Variants in HERC3 observed in about 807,000 individuals in gnomAD.
The protein encoded by HERC3 is HECT and RLD domain containing E3 ubiquitin protein ligase 3, also known as probable E3 ubiquitin-protein ligase HERC3.
A neutral mutation model predicts 129.9 loss-of-function variants in HERC3; 58 were observed. The observed-to-expected ratio is 0.45, with a 90% confidence interval of 0.36 to 0.56. HERC3 has a LOEUF of 0.56. Among genes scored for constraint, HERC3 ranks in the 20% least tolerant of loss-of-function variants. The pLI, the probability that HERC3 is intolerant of heterozygous loss-of-function variation, is 0.00. For missense variants in HERC3, 835 were observed against 1,244.2 expected, an observed-to-expected ratio of 0.67 and a Z score of 4.95; for synonymous variants, 430 against 451.0, an observed-to-expected ratio of 0.95 and a Z score of 0.59.
chr4:88,556,830 T>G, the HERC3 span, among the ~76,000 whole-genome samples: 1 of 151,792 alleles, frequency 6.6e-6, no homozygotes, highest in East Asian at 1.9e-4. Context: ...TTTTAAATAG[T>G]GTCAAAGTCT....
intron 10 of HERC3, among the ~76,000 whole-genome samples, chr4:88,660,375 T>C (rs909574582): frequency 6.6e-6 from 1 of 152,098 alleles, no homozygotes; most frequent in Admixed American, 6.5e-5. Flanking sequence ...GTAATTTTTT[T>C]TGTATTTTTA....
chr4:88,642,299 G>A lies in HERC3; in HGVS notation c.227-7541G>A, dbSNP rs567479232. Reference sequence around the variant, plus strand: ...CTAAAGAAGAAACTCACATGGTTATGTCAGTTGATACAGAAAACAGAATTT... The same window carrying A: ...CTAAAGAAGAAACTCACATGGTTATATCAGTTGATACAGAAAACAGAATTT... On this transcript the variant is annotated intron_variant, in intron 3 of 25. Coordinates refer to ENST00000402738, the MANE Select transcript of HERC3 (RefSeq NM_014606.3). Among the ~76,000 whole-genome samples the A allele has an allele frequency of 4.3e-3, 651 of 152,266 alleles. 3 individuals are homozygous for A. The highest frequency in any genetic ancestry group is 7.4e-3 in the Non-Finnish European group (504 of 68,010).
chr4:88,671,078 C>T lies in HERC3; in HGVS notation c.1911+826C>T, dbSNP rs536651373. Among the ~76,000 whole-genome samples, 15 of 152,168 alleles carry T rather than the reference C, an allele frequency of 9.9e-5. No homozygotes were observed. In the South Asian group the frequency reaches 3.1e-3, roughly 32 times the overall value. ...TATTTTAGATATGCCATTCAGGGGC[C>T]TGTGGATTCCTGCCTACCACCTCTG... On this transcript the variant is annotated intron_variant, in intron 16 of 25. Coordinates refer to ENST00000402738, the MANE Select transcript of HERC3 (RefSeq NM_014606.3).
At chr4:88,656,082 A>G (rs763143167) in intron 9 of HERC3, 47 bp downstream of exon 9, 1 of 1,583,356 alleles carries the variant, frequency 6.3e-7, no homozygotes, top group Non-Finnish European at 8.7e-7. Flanking sequence ...AAGTGATGAA[A>G]ACAGTTGTTT....
In HERC3 at chr4:88,662,509, G is replaced by A. The variant is rs77220651; in HGVS notation, c.1225G>A (p.Val409Ile). Reference sequence around the variant, plus strand: ...TTTAATAAATGATGAAACCATAGCAGTTTGGAGACAAAAACTCTCAGAACA... The same window carrying A: ...TTTAATAAATGATGAAACCATAGCAATTTGGAGACAAAAACTCTCAGAACA... ...TSLINDETIAVWRQKLSEHNN... is the reference protein window; with the variant it reads ...TSLINDETIAIWRQKLSEHNN... The change falls in exon 11 of 26, where the codon GTT becomes ATT. Residue 409 changes from valine (V) to isoleucine (I), a missense_variant. By Grantham distance (29) the Val-to-Ile change is conservative. Transcript: ENST00000402738. The A allele has an allele frequency of 2.6e-4, 422 of 1,613,618 alleles. 1 individual carries two copies. In the African/African-American group the frequency reaches 5.1e-3, roughly 19 times the overall value.
At chr4:88,622,832 G>A (rs1012946238) in intron 3 of HERC3, among the ~76,000 whole-genome samples, 2 of 152,216 alleles carry the variant, frequency 1.3e-5, no homozygotes, top group African/African-American at 4.8e-5. Flanking sequence ...GGGAGGCTGA[G>A]GCAGGAGAAT....
At chr4:88,591,112 C>T (rs1391571669), upstream of HERC3, among the ~76,000 whole-genome samples, 3 of 152,044 alleles carry the variant, frequency 2.0e-5, no homozygotes, top group African/African-American at 7.2e-5. Flanking sequence ...AGGCTGGTCT[C>T]GAACTGCTGA....
intron 3 of HERC3, among the ~76,000 whole-genome samples, chr4:88,609,503 G>A (rs934736210): frequency 6.6e-6 from 1 of 152,144 alleles, no homozygotes. Context: ...AGCCTAAGCT[G>A]GGAGTTTGAG....
intron 3 of HERC3, among the ~76,000 whole-genome samples, chr4:88,627,322 GA>G (rs1184296676): frequency 6.7e-6 from 1 of 148,952 alleles, no homozygotes; most frequent in South Asian, 2.1e-4. Context: ...AAATATTTAG[GA>G]AAAAAAAATT....
the HERC3 span, among the ~76,000 whole-genome samples, chr4:88,579,226 A>ATATATATATATATATATAT: frequency 1.7e-3 from 164 of 93,900 alleles, 4 homozygotes; most frequent in African/African-American, 0.016. Context: ...TACTAAAAAA[A>ATATATATATATATATATAT]AAAAAAATAT....
intron 8 of HERC3, 25 bp downstream of exon 8, chr4:88,655,329 G>A (rs1368266872): frequency 3.7e-6 from 6 of 1,611,566 alleles, no homozygotes; most frequent in Non-Finnish European, 5.1e-6. Context: ...AAGCTTGCTT[G>A]TATTCACTAG....
At chr4:88,570,822 GA>G in the HERC3 span, among the ~76,000 whole-genome samples, 4 of 151,442 alleles carry the variant, frequency 2.6e-5, no homozygotes, top group East Asian at 7.8e-4. Flanking sequence ...ACCCAGGCTT[GA>G]GTGCACTGCA....
At chr4:88,631,653 A>G (rs970541102) in intron 3 of HERC3, among the ~76,000 whole-genome samples, 2 of 152,216 alleles carry the variant, frequency 1.3e-5, no homozygotes, top group Non-Finnish European at 2.9e-5. Flanking sequence ...ACTTCCAGGA[A>G]TCTAGCCCTT....
intron 3 of HERC3, among the ~76,000 whole-genome samples, chr4:88,640,923 A>G (rs1254454830): frequency 6.6e-6 from 1 of 152,202 alleles, no homozygotes; most frequent in Non-Finnish European, 1.5e-5. Context: ...ATAGAACATC[A>G]TCAAGAATAT....
chr4:88,534,881 T>C, the HERC3 span, among the ~76,000 whole-genome samples: 4 of 152,198 alleles, frequency 2.6e-5, no homozygotes, highest in Admixed American at 6.5e-5. Flanking sequence ...AAATAGTCCA[T>C]AGTGTAAAAG....
intron 16 of HERC3, among the ~76,000 whole-genome samples, chr4:88,673,838 G>A (rs1458730235): frequency 6.6e-6 from 1 of 152,094 alleles, no homozygotes; most frequent in Non-Finnish European, 1.5e-5. Context: ...CTACAGATTC[G>A]CGGCTTCTTT....
At chr4:88,558,824 C>T in the HERC3 span, among the ~76,000 whole-genome samples, 16 of 151,874 alleles carry the variant, frequency 1.1e-4, no homozygotes, top group Non-Finnish European at 1.9e-4. Context: ...AAAAATTAGC[C>T]AGGCATGATG....
intron 14 of HERC3, 76 bp downstream of exon 14, chr4:88,668,157 T>C: frequency 8.8e-7 from 1 of 1,134,548 alleles, no homozygotes; most frequent in Non-Finnish European, 1.3e-6. Context: ...TCTCAGTGGA[T>C]TGAGATCCAA....
intron 3 of HERC3, among the ~76,000 whole-genome samples, chr4:88,608,759 A>G (rs1169495849): frequency 6.6e-6 from 1 of 152,190 alleles, no homozygotes; most frequent in East Asian, 1.9e-4. Flanking sequence ...GGCCAGAGCC[A>G]GTGTCTAACA....
Sources: allele counts gnomAD v4.1 joint callset (sites outside exome capture counted in the v4.1 genomes callset), GRCh38; gene constraint gnomAD v4.1.1; transcripts MANE v1.5; gene names NCBI Gene and HGNC (gene_info 2026-07-23, HGNC 2026-07-21).